The following CADM2 variants were observed in gnomAD, a reference collection of about 807,000 sequenced individuals.
CADM2 encodes cell adhesion molecule 2.
Under a neutral mutation model 49.8 loss-of-function variants are expected in CADM2, and 12 were observed. That is an observed-to-expected ratio of 0.24 (90% CI 0.15 to 0.39). The LOEUF (loss-of-function observed/expected upper bound fraction) is 0.39, where lower values mean the gene tolerates loss of function less well. Ranked by LOEUF, CADM2 falls within the 10% of genes least tolerant of loss-of-function variation. The probability of loss-of-function intolerance (pLI) is 1.00; values close to 1 mark genes in which losing one functional copy is unlikely to be tolerated. For synonymous variants in CADM2, 214 were observed against 175.4 expected (o/e 1.22, Z -1.74); for missense variants, 378 against 492.3 (o/e 0.77, Z 2.20).
At chr3:85,050,496 A>C (rs1166056443) in intron 1 of CADM2, among the ~76,000 whole-genome samples, 1 of 152,182 alleles carries the variant, frequency 6.6e-6, no homozygotes, top group African/African-American at 2.4e-5. Context: ...AGAGAGCTCT[A>C]CAATTTTCTA....
intron 1 of CADM2, among the ~76,000 whole-genome samples, chr3:85,487,969 A>G (rs1312440234): frequency 1.3e-5 from 2 of 152,146 alleles, no homozygotes; most frequent in East Asian, 1.9e-4. Context: ...TAGATATAAC[A>G]TTTAACTTAA....
intron 8 of CADM2, among the ~76,000 whole-genome samples, chr3:85,969,190 T>C (rs1367380338): frequency 6.6e-6 from 1 of 151,632 alleles, no homozygotes; most frequent in Non-Finnish European, 1.5e-5. Context: ...TTTAAACTTA[T>C]ACAAAGGCAT....
intron 1 of CADM2, among the ~76,000 whole-genome samples, chr3:85,720,703 A>G (rs2067470167): frequency 6.6e-6 from 1 of 152,190 alleles, no homozygotes; most frequent in Non-Finnish European, 1.5e-5. Context: ...TAGTTAAGAA[A>G]GATGCTATTT....
chr3:85,544,336 T>C (rs1334362153), intron 1 of CADM2, among the ~76,000 whole-genome samples: 1 of 152,114 alleles, frequency 6.6e-6, no homozygotes, highest in East Asian at 1.9e-4. Flanking sequence ...CCCAGCACTT[T>C]GGGAGGCCGA....
At chr3:85,569,892 A>G (rs1392347025) in intron 1 of CADM2, among the ~76,000 whole-genome samples, 1 of 152,132 alleles carries the variant, frequency 6.6e-6, no homozygotes, top group Non-Finnish European at 1.5e-5. Flanking sequence ...CAGTATTTGT[A>G]TATAATTCTC....
At chr3:85,039,841 C>T (rs894853587) in intron 1 of CADM2, among the ~76,000 whole-genome samples, 1 of 152,140 alleles carries the variant, frequency 6.6e-6, no homozygotes, top group Admixed American at 6.5e-5. Flanking sequence ...CTCTTAACTG[C>T]GTAGCAATAA....
At chr3:85,568,506 T>TCTTG (rs2062377695) in intron 1 of CADM2, among the ~76,000 whole-genome samples, 1 of 143,996 alleles carries the variant, frequency 6.9e-6, no homozygotes, top group African/African-American at 2.7e-5. Flanking sequence ...TTTCTTTCTT[T>TCTTG]CTTTCTTTCC....
chr3:85,582,507 A>C (rs2062827394), intron 1 of CADM2, among the ~76,000 whole-genome samples: 1 of 152,194 alleles, frequency 6.6e-6, no homozygotes, highest in South Asian at 2.1e-4. Flanking sequence ...TCAACAACAG[A>C]TATTCTCAAG....
At chr3:85,252,225 T>C (rs1294694477) in intron 1 of CADM2, among the ~76,000 whole-genome samples, 1 of 152,058 alleles carries the variant, frequency 6.6e-6, no homozygotes, top group South Asian at 2.1e-4. Context: ...TTCAAATTAC[T>C]TATGTTAACA....
chr3:85,028,110 C>T (rs2034815410), intron 1 of CADM2, among the ~76,000 whole-genome samples: 1 of 152,142 alleles, frequency 6.6e-6, no homozygotes, highest in African/African-American at 2.4e-5. Flanking sequence ...ATGTGGGTTT[C>T]CCATTCATCC....
chr3:85,625,852 A>G (rs1252967072), intron 1 of CADM2, among the ~76,000 whole-genome samples: 1 of 152,036 alleles, frequency 6.6e-6, no homozygotes, highest in African/African-American at 2.4e-5. Flanking sequence ...AACTATTTGT[A>G]TGTATTGCTG....
chr3:85,230,841 T>A, intron 1 of CADM2, among the ~76,000 whole-genome samples: 1 of 152,272 alleles, frequency 6.6e-6, no homozygotes, highest in East Asian at 1.9e-4. Flanking sequence ...TTCTCATTAC[T>A]GACAGGTAGA....
chr3:85,581,670 C>G (rs984570109), intron 1 of CADM2, among the ~76,000 whole-genome samples: 1 of 151,996 alleles, frequency 6.6e-6, no homozygotes, highest in Non-Finnish European at 1.5e-5. Flanking sequence ...ATCCCTGAAG[C>G]TGAATAAACT....
chr3:85,543,421 T>TGTGTGTGGGGGTGTGTGTGTGTGG (rs1491106808), intron 1 of CADM2, among the ~76,000 whole-genome samples: 3 of 41,852 alleles, frequency 7.2e-5, no homozygotes, highest in African/African-American at 4.9e-4. Flanking sequence ...GCCAAGCTAA[T>TGTGTGTGGGGGTGTGTGTGTGTGG]GTGTGTGTGT....
chr3:85,779,419 G>A (rs1441001265), intron 2 of CADM2, among the ~76,000 whole-genome samples: 2 of 152,100 alleles, frequency 1.3e-5, no homozygotes, highest in Non-Finnish European at 2.9e-5. Context: ...ATTTATAAAG[G>A]AAAGAGGTTT....
chr3:84,977,353 A>T (rs1185546281), intron 1 of CADM2, among the ~76,000 whole-genome samples: 1 of 152,008 alleles, frequency 6.6e-6, no homozygotes, highest in East Asian at 1.9e-4. Flanking sequence ...AAGAGCACTG[A>T]TAATGAAGAA....
At chr3:85,495,764 C>A (rs1248872937) in intron 1 of CADM2, among the ~76,000 whole-genome samples, 2 of 151,820 alleles carry the variant, frequency 1.3e-5, no homozygotes, top group Non-Finnish European at 2.9e-5. Context: ...GAGAGAGATG[C>A]CAGGCTCTTT....
intron 3 of CADM2, among the ~76,000 whole-genome samples, chr3:85,871,615 T>C (rs569240856): frequency 4.4e-4 from 67 of 152,238 alleles, no homozygotes; most frequent in African/African-American, 1.5e-3. Context: ...TGAGCTATTG[T>C]GAAGATAAAA....
chr3:85,420,076 T>G (rs996452864), intron 1 of CADM2, among the ~76,000 whole-genome samples: 10 of 152,236 alleles, frequency 6.6e-5, no homozygotes, highest in Non-Finnish European at 1.2e-4. Flanking sequence ...GTTTTCACAG[T>G]GGGGAGAGAT....
Sources: allele counts gnomAD v4.1 joint callset (sites outside exome capture counted in the v4.1 genomes callset), GRCh38; gene constraint gnomAD v4.1.1; transcripts MANE v1.5; gene names NCBI Gene and HGNC (gene_info 2026-07-23, HGNC 2026-07-21).